The following PHYHIP variants were observed in gnomAD, a reference collection of about 807,000 sequenced individuals.
The protein encoded by PHYHIP is phytanoyl-CoA hydroxylase-interacting protein.
PHYHIP carries 7 observed loss-of-function variants against 26.1 expected under a neutral mutation model. That is an observed-to-expected ratio of 0.27 (90% confidence interval 0.15 to 0.50). The LOEUF (loss-of-function observed/expected upper bound fraction) is 0.50. PHYHIP is among the 20% of genes least tolerant of loss of function. The pLI is 0.98. For synonymous variants in PHYHIP, 206 were observed against 183.4 expected (o/e 1.12, Z -1.00); for missense variants, 232 against 454.7 (o/e 0.51, Z 4.45).
intron 2 of PHYHIP, 80 bp from the exon 3 acceptor site, chr8:22,227,105 A>ACT: frequency 7.8e-7 from 1 of 1,282,778 alleles, no homozygotes; most frequent in Non-Finnish European, 1.1e-6. Flanking sequence ...CAGAATCCCC[A>ACT]CTCCCCAGAT....
Position 22,228,237 on chromosome 8 carries a change from G to A in PHYHIP, c.121C>T (p.Leu41Phe). 6.2e-7 allele frequency: 1 copy of A among 1,613,882 alleles called. No homozygotes were observed. The highest frequency in any genetic ancestry group is 2.2e-5 in the East Asian group (1 of 44,878). Residue 41 changes from leucine (L) to phenylalanine (F), a missense_variant, in exon 2 of 5, where the codon CTT (leucine) becomes TTT (phenylalanine). Physicochemically the swap from Leu to Phe is conservative, Grantham distance 22 (BLOSUM62 0). Transcript: ENST00000454243. ...LERVTHYFID[L>F]NKKENKNSNK... ...GAATTCTTATTCTCCTTCTTGTTAA[G>A]GTCAATGAAGTAATGGGTGACCCTC...
Position 22,221,378 on chromosome 8 carries a change from G to C in PHYHIP, c.968C>G (p.Thr323Ser). The C allele has an allele frequency of 6.3e-7, 1 of 1,599,856 alleles. No individual in the cohort carries two copies. ...CTAGCGGCCCACGCTGATGTTGCAGGTCTTGCAGCTGGGGTCCTTCTTGGC... is the reference window on the plus strand; with the variant it reads ...CTAGCGGCCCACGCTGATGTTGCAGCTCTTGCAGCTGGGGTCCTTCTTGGC... ...ADAKKDPSCK[T>S]CNISVGR The change falls in exon 5 of 5, where the codon ACC becomes AGC. Residue 323 changes from threonine (T) to serine (S), a missense_variant. By Grantham distance (58) the Thr-to-Ser change is moderately conservative. Transcript: ENST00000454243. The surrounding 1 kb of genome is among the most constrained non-coding windows in gnomAD (Gnocchi z 7.9).
chr8:22,225,713 G>T (rs962676860), intron 3 of PHYHIP, among the ~76,000 whole-genome samples: 1 of 150,702 alleles, frequency 6.6e-6, no homozygotes, highest in African/African-American at 2.4e-5. Flanking sequence ...GCTGAGGCAG[G>T]AGAATCGCTT....
At chr8:22,222,191 G>A (rs2131920254) in intron 4 of PHYHIP, among the ~76,000 whole-genome samples, 1 of 152,014 alleles carries the variant, frequency 6.6e-6, no homozygotes, top group Non-Finnish European at 1.5e-5. Context: ...GATCTCTGTG[G>A]TCTCCTTGCC....
At position 22,221,792 on chromosome 8, in the gene PHYHIP, C is replaced by T. The variant is rs1240568193; in HGVS notation, c.554G>A (p.Ser185Asn). 1 of 1,610,652 alleles carries T rather than the reference C, an allele frequency of 6.2e-7. No homozygotes were observed. Among genetic ancestry groups the T allele is most frequent in the Non-Finnish European group, 8.5e-7 (1 of 1,178,772 alleles). Residue 185 changes from serine to asparagine, a missense_variant, in exon 5 of 5, where the codon AGC (serine) becomes AAC (asparagine). Transcript: ENST00000454243. This position sits in a 1 kb window ranked among gnomAD's most constrained non-coding sequence, Gnocchi z 7.9. The part of the protein sequence containing the change: ...TSGMLHGVFF[S>N]CNTEFNTGQP... ...GCCCGTGTTGAACTCCGTGTTGCAG[C>T]TGAAGAAGACCCCGTGGAGCATACC... is the stretch of plus-strand genomic sequence containing the variant.
rs774207769 is a variant in PHYHIP at position 22,220,152 on chromosome 8, C to A, written c.*1201G>T. 6.6e-6 allele frequency: 1 copy of A among 152,558 alleles called. No homozygotes were observed. The highest frequency in any genetic ancestry group is 1.9e-4 in the East Asian group (1 of 5,216). The allele number at this position is 152,558 out of a possible 1,614,324, so 9.5% of individuals were successfully genotyped here. On this transcript the variant is annotated 3_prime_UTR_variant, in exon 5 of 5. Coordinates refer to ENST00000454243, the MANE Select transcript of PHYHIP (RefSeq NM_014759.5). ...CCATCATCCCCCAAACAGCCGGCTGCTGCTGTCAGCCCCTCCCACAGGCTC... is the reference window on the plus strand; with the variant it reads ...CCATCATCCCCCAAACAGCCGGCTGATGCTGTCAGCCCCTCCCACAGGCTC...
Position 22,221,055 on chromosome 8 carries a change from G to C in PHYHIP, c.*298C>G. ...GTCTTTGGGAGATAGAGACCTGGAC[G>C]AGGCAAAGAACAGTAGGACAAGGAA... On this transcript the variant is annotated 3_prime_UTR_variant, in exon 5 of 5. Coordinates refer to ENST00000454243, the MANE Select transcript of PHYHIP (RefSeq NM_014759.5). The surrounding 1 kb of genome is among the most constrained non-coding windows in gnomAD (Gnocchi z 7.9). The C allele has an allele frequency of 2.8e-6, 1 of 361,932 alleles. No homozygotes were observed. The highest frequency in any genetic ancestry group is 5.0e-6 in the Non-Finnish European group (1 of 198,718). 22.4% of individuals were successfully genotyped at this position (361,932 alleles called of 1,614,324 possible).
In PHYHIP at chr8:22,221,957, T is replaced by C; in HGVS notation, c.459-70A>G. 1.5e-6 allele frequency: 2 copies of C among 1,354,108 alleles called. No individual in the cohort carries two copies. Among genetic ancestry groups the C allele is most frequent in the Non-Finnish European group, 2.0e-6 (2 of 1,017,356 alleles). The allele number at this position is 1,354,108 out of a possible 1,614,324, so 83.9% of individuals were successfully genotyped here. Reference sequence around the variant, plus strand: ...CTGGTGAGCCGGGCTGAGGCTTGGCTGCTGCGTGTGGTCGAGGAGGGAGGA... The same window carrying C: ...CTGGTGAGCCGGGCTGAGGCTTGGCCGCTGCGTGTGGTCGAGGAGGGAGGA... On this transcript the variant is annotated intron_variant, in intron 4 of 4. Transcript: ENST00000454243. The surrounding 1 kb of genome is among the most constrained non-coding windows in gnomAD (Gnocchi z 7.9).
Position 22,226,831 on chromosome 8 carries a change from G to A in PHYHIP, c.340+20C>T, listed in dbSNP as rs1403293163. The A allele has an allele frequency of 1.2e-6, 2 of 1,601,772 alleles. No homozygotes were observed. Among genetic ancestry groups the A allele is most frequent in the African/African-American group, 1.3e-5 (1 of 74,726 alleles). ...CGACGTGCCAAGCAGCAGGACAGGG[G>A]TGTGATAGCAGGGCCTCACCCCCAG... On this transcript the variant is annotated intron_variant, in intron 3 of 4. Transcript: ENST00000454243.
chr8:22,221,233 C>T lies in PHYHIP; in HGVS notation c.*120G>A, dbSNP rs1829615174. ...CCAATGCCAAGGGGCGAGGGGAGGG[C>T]AGCTGGGCAGAGTGGAGGGAGCAGG... On this transcript the variant is annotated 3_prime_UTR_variant, in exon 5 of 5. Coordinates refer to ENST00000454243, the MANE Select transcript of PHYHIP (RefSeq NM_014759.5). This position sits in a 1 kb window ranked among gnomAD's most constrained non-coding sequence, Gnocchi z 7.9. The T allele has an allele frequency of 7.2e-6, 7 of 972,240 alleles. No homozygotes were observed. Among genetic ancestry groups the T allele is most frequent in the African/African-American group, 1.6e-5 (1 of 61,068 alleles). 60.2% of individuals were successfully genotyped at this position (972,240 alleles called of 1,614,324 possible).
At chr8:22,229,413 T>G (rs1376478727) in intron 1 of PHYHIP, among the ~76,000 whole-genome samples, 1 of 152,222 alleles carries the variant, frequency 6.6e-6, no homozygotes, top group Non-Finnish European at 1.5e-5. Flanking sequence ...CTCCCCTCCC[T>G]GTCTTACTCC....
intron 4 of PHYHIP, 130 bp downstream of exon 4, chr8:22,224,096 A>T: frequency 1.5e-6 from 1 of 684,254 alleles, no homozygotes; most frequent in Non-Finnish European, 2.6e-6. Flanking sequence ...TGACGTCAGG[A>T]CATGTCAACC....
chr8:22,226,891 C>G lies in PHYHIP; in HGVS notation c.300G>C (p.Leu100=), dbSNP rs1287156697. ...CCACCGTCTCGCTCCAGCCGGACACCAGGTACTCCCCATCGCTCTGCTTCA... is the reference window on the plus strand; with the variant it reads ...CCACCGTCTCGCTCCAGCCGGACACGAGGTACTCCCCATCGCTCTGCTTCA... ...TAVKQSDGEY[L]VSGWSETVEF... The change falls in exon 3 of 5, where the codon CTG becomes CTC. Residue 100 remains leucine (L), a synonymous_variant. Transcript: ENST00000454243. 1.9e-6 allele frequency: 3 copies of G among 1,614,096 alleles called. No individual in the cohort carries two copies. The highest frequency in any genetic ancestry group is 2.2e-5 in the South Asian group (2 of 91,054).
At chr8:22,222,156 T>A (rs1244254871) in intron 4 of PHYHIP, among the ~76,000 whole-genome samples, 2 of 151,988 alleles carry the variant, frequency 1.3e-5, no homozygotes, top group Non-Finnish European at 2.9e-5. Flanking sequence ...GGGGTGTGTG[T>A]GAAAAACACG....
At chr8:22,224,431 TGCCG>T (rs1380888202) in intron 3 of PHYHIP, 88 bp from the exon 4 acceptor site, 1 of 771,162 alleles carries the variant, frequency 1.3e-6, no homozygotes, top group African/African-American at 1.7e-5. Flanking sequence ...ACACTGTGTG[TGCCG>T]GCCAACCTCT....
intron 3 of PHYHIP, among the ~76,000 whole-genome samples, chr8:22,225,628 C>T: frequency 8.5e-6 from 1 of 117,520 alleles, no homozygotes; most frequent in Non-Finnish European, 1.7e-5. Flanking sequence ...AACCCCATCT[C>T]TACTAAAAAT....
chr8:22,226,298 A>G (rs1829743298), intron 3 of PHYHIP, among the ~76,000 whole-genome samples: 1 of 152,198 alleles, frequency 6.6e-6, no homozygotes, highest in Non-Finnish European at 1.5e-5. Flanking sequence ...TCACAAAAAG[A>G]CAAATCCTAT....
At chr8:22,230,884 G>A (rs912382893) in intron 1 of PHYHIP, among the ~76,000 whole-genome samples, 1 of 152,024 alleles carries the variant, frequency 6.6e-6, no homozygotes, top group South Asian at 2.1e-4. Context: ...CAAGCCATAT[G>A]TGGGGAAAAG....
Position 22,221,281 on chromosome 8 carries a change from C to G in PHYHIP, c.*72G>C. 2 of 1,403,926 alleles carry G rather than the reference C, an allele frequency of 1.4e-6. No individual in the cohort carries two copies. The highest frequency in any genetic ancestry group is 2.6e-4 in the Middle Eastern group (1 of 3,906). The allele number at this position is 1,403,926 out of a possible 1,614,324, so 87.0% of individuals were successfully genotyped here. On this transcript the variant is annotated 3_prime_UTR_variant, in exon 5 of 5. Coordinates refer to ENST00000454243, the MANE Select transcript of PHYHIP (RefSeq NM_014759.5). This position sits in a 1 kb window ranked among gnomAD's most constrained non-coding sequence, Gnocchi z 7.9. ...AGGGGGGCAGGAGAGAGAAAGCCAGCTCCCTGAACCTGGGCTACCCACCTC... is the reference window on the plus strand; with the variant it reads ...AGGGGGGCAGGAGAGAGAAAGCCAGGTCCCTGAACCTGGGCTACCCACCTC...
Sources: allele counts gnomAD v4.1 joint callset (sites outside exome capture counted in the v4.1 genomes callset), GRCh38; gene constraint gnomAD v4.1.1; non-coding constraint Gnocchi (gnomAD v3.1); transcripts MANE v1.5; gene names NCBI Gene and HGNC (gene_info 2026-07-23, HGNC 2026-07-21).